SGMS1: variants seen among roughly 807,000 people sequenced by gnomAD.
SGMS1 encodes sphingomyelin synthase 1.
SGMS1 carries 13 observed loss-of-function variants against 46.2 expected under a neutral mutation model. The observed-to-expected ratio is 0.28, with a 90% CI of 0.18 to 0.45. The LOEUF (loss-of-function observed/expected upper bound fraction) is 0.45. SGMS1 is among the 20% of genes least tolerant of loss of function. SGMS1 has a pLI of 1.00. For missense variants in SGMS1, 324 were observed against 519.9 expected, an observed-to-expected ratio of 0.62 and a Z score of 3.66; for synonymous variants, 203 against 187.8, an observed-to-expected ratio of 1.08 and a Z score of -0.66.
At chr10:50,563,285 G>C (rs1277498652) in intron 2 of SGMS1, among the ~76,000 whole-genome samples, 1 of 152,212 alleles carries the variant, frequency 6.6e-6, no homozygotes, top group Non-Finnish European at 1.5e-5. Context: ...CATGCCTACA[G>C]GGCGGGCAGT....
chr10:50,598,910 GA>G (rs1277312207), intron 1 of SGMS1, among the ~76,000 whole-genome samples: 3 of 149,930 alleles, frequency 2.0e-5, no homozygotes, highest in East Asian at 1.9e-4. Context: ...ACCCAGACAG[GA>G]AAAAAAAATA....
At chr10:50,624,070 G>A, upstream of SGMS1, 1 of 985,284 alleles carries the variant, frequency 1.0e-6, no homozygotes, top group Non-Finnish European at 1.2e-6. Flanking sequence ...CGGGGTCCGC[G>A]GGGGGCTCCT....
chr10:50,499,965 G>A (rs1176366306), intron 3 of SGMS1, among the ~76,000 whole-genome samples: 1 of 152,178 alleles, frequency 6.6e-6, no homozygotes, highest in Non-Finnish European at 1.5e-5. Context: ...TCTGGAGTTC[G>A]AGACCAGCCT....
At chr10:50,466,010 A>T (rs912234166) in intron 4 of SGMS1, among the ~76,000 whole-genome samples, 3 of 152,178 alleles carry the variant, frequency 2.0e-5, no homozygotes, top group Non-Finnish European at 4.4e-5. Flanking sequence ...ATAAAGAGAC[A>T]GGAAAAGTAG....
chr10:50,545,783 G>C (rs1215223115), intron 2 of SGMS1, among the ~76,000 whole-genome samples: 1 of 152,086 alleles, frequency 6.6e-6, no homozygotes, highest in Non-Finnish European at 1.5e-5. Flanking sequence ...GAGTACAGCA[G>C]AGTGACTCGG....
chr10:50,374,600 G>A (rs1250209454), intron 6 of SGMS1, among the ~76,000 whole-genome samples: 3 of 152,078 alleles, frequency 2.0e-5, no homozygotes, highest in African/African-American at 7.2e-5. Context: ...CTCACTCCAA[G>A]TAAAAAAACC....
intron 7 of SGMS1, among the ~76,000 whole-genome samples, chr10:50,329,477 A>G (rs1847582889): frequency 6.6e-6 from 1 of 152,220 alleles, no homozygotes; most frequent in African/African-American, 2.4e-5. Context: ...GGCATTTAAT[A>G]TTTTTGAAAT....
intron 3 of SGMS1, among the ~76,000 whole-genome samples, chr10:50,518,484 T>G (rs992815568): frequency 1.3e-5 from 2 of 152,218 alleles, no homozygotes; most frequent in African/African-American, 4.8e-5. Context: ...TGGAGTGCAA[T>G]GGCATGATCT....
intron 2 of SGMS1, among the ~76,000 whole-genome samples, chr10:50,581,091 A>C (rs1455776845): frequency 6.6e-6 from 1 of 152,230 alleles, no homozygotes; most frequent in Admixed American, 6.5e-5. Flanking sequence ...AATTTTAAGA[A>C]CTATTGCTCT....
intron 7 of SGMS1, chr10:50,335,193 AGAGGATCACTTGAGTCCAG>A (rs1171537115): frequency 6.6e-6 from 1 of 152,340 alleles, no homozygotes; most frequent in African/African-American, 2.4e-5. Context: ...GAGGAAGGTC[AGAGGATCACTTGAGTCCAG>A]GAGTTCCACA....
chr10:50,555,500 C>T (rs142430396), intron 2 of SGMS1, among the ~76,000 whole-genome samples: 197 of 152,292 alleles, frequency 1.3e-3, no homozygotes, highest in Middle Eastern at 6.8e-3. Flanking sequence ...ACATCCAGAG[C>T]TGCAGCAGTG....
intron 3 of SGMS1, among the ~76,000 whole-genome samples, chr10:50,515,594 A>G (rs1837794388): frequency 6.6e-6 from 1 of 152,202 alleles, no homozygotes; most frequent in South Asian, 2.1e-4. Context: ...ATAGAGCCTG[A>G]TGGCTCCACT....
At chr10:50,348,352 A>G (rs796922742) in intron 6 of SGMS1, among the ~76,000 whole-genome samples, 1 of 152,328 alleles carries the variant, frequency 6.6e-6, no homozygotes, top group African/African-American at 2.4e-5. Flanking sequence ...AGCGCATTCA[A>G]ATAGGAAGAG....
At chr10:50,418,597 G>C (rs1055172172) in intron 6 of SGMS1, 2 of 152,212 alleles carry the variant, frequency 1.3e-5, no homozygotes, top group Non-Finnish European at 2.9e-5. Context: ...TTACGCCTTT[G>C]ACAACTTCGA....
chr10:50,328,639 T>C (rs568223701), intron 7 of SGMS1, among the ~76,000 whole-genome samples: 1 of 152,348 alleles, frequency 6.6e-6, no homozygotes, highest in African/African-American at 2.4e-5. Flanking sequence ...ATTTGGGTGT[T>C]GGTCTCTTTA....
intron 2 of SGMS1, among the ~76,000 whole-genome samples, chr10:50,558,373 C>G (rs138188986): frequency 9.9e-5 from 15 of 152,250 alleles, no homozygotes; most frequent in African/African-American, 3.4e-4. Flanking sequence ...GAATCTAATT[C>G]CCAGACTGGA....
At chr10:50,486,233 C>T (rs144353073) in intron 3 of SGMS1, among the ~76,000 whole-genome samples, 32 of 152,206 alleles carry the variant, frequency 2.1e-4, no homozygotes, top group African/African-American at 7.5e-4. Context: ...GAAGGCAACA[C>T]CATTCAGGAC....
At chr10:50,494,343 G>A (rs1837592123) in intron 3 of SGMS1, among the ~76,000 whole-genome samples, 2 of 152,152 alleles carry the variant, frequency 1.3e-5, no homozygotes, top group Non-Finnish European at 2.9e-5. Context: ...GTTCATTACA[G>A]GACTATTCAC....
At chr10:50,411,751 TA>T (rs1436756831) in intron 6 of SGMS1, among the ~76,000 whole-genome samples, 4 of 152,232 alleles carry the variant, frequency 2.6e-5, no homozygotes, top group Admixed American at 6.5e-5. Flanking sequence ...TCTGACCCCA[TA>T]GAACTATGCA....
Sources: allele counts gnomAD v4.1 joint callset (sites outside exome capture counted in the v4.1 genomes callset), GRCh38; gene constraint gnomAD v4.1.1; transcripts MANE v1.5; gene names NCBI Gene and HGNC (gene_info 2026-07-23, HGNC 2026-07-21).